Variants in MMP26 observed in about 807,000 individuals in gnomAD.
MMP26 encodes matrix metalloproteinase-26.
Under a neutral mutation model 31.0 loss-of-function variants are expected in MMP26, and 33 were observed. The ratio of observed to expected loss-of-function variants is 1.06; its 90% confidence interval spans 0.81 to 1.42. The LOEUF (loss-of-function observed/expected upper bound fraction) is 1.42. Ranked by LOEUF, MMP26 falls within the 40% of genes most tolerant of loss-of-function variation. The pLI is 0.00. For missense variants in MMP26, 347 were observed against 316.1 expected, an observed-to-expected ratio of 1.10 and a Z score of -0.74; for synonymous variants, 122 against 114.9, an observed-to-expected ratio of 1.06 and a Z score of -0.40.
In MMP26 at chr11:4,908,114, A is replaced by G. The variant is rs774432821; in HGVS notation, c.-144-79954A>G. ...TGTCTCCCACATCTGTGCTGTGCTC[A>G]CCTTCTATGTGCCCATCATCACCCT... On this transcript the variant is annotated intron_variant, in intron 2 of 7. Coordinates refer to ENST00000380390, the MANE Select transcript of MMP26 (RefSeq NM_021801.5). 5.0e-6 allele frequency: 8 copies of G among 1,614,014 alleles called. No individual in the cohort carries two copies. The Admixed American group carries it at 1.3e-4, about 27-fold the overall frequency.
At chr11:4,876,714 A>C (rs910084680) in intron 2 of MMP26, 4 of 144,376 alleles carry the variant, frequency 2.8e-5, no homozygotes, top group African/African-American at 1.0e-4. Context: ...GTTGTCATCA[A>C]AGTTGAGCAA....
chr11:4,920,440 T>C (rs892316803), intron 2 of MMP26, among the ~76,000 whole-genome samples: 3 of 152,154 alleles, frequency 2.0e-5, no homozygotes, highest in African/African-American at 7.2e-5. Context: ...TCTTCCAACA[T>C]AGTTCCATTC....
intron 2 of MMP26, among the ~76,000 whole-genome samples, chr11:4,896,639 T>C (rs1393697830): frequency 6.6e-6 from 1 of 152,190 alleles, no homozygotes; most frequent in Non-Finnish European, 1.5e-5. Flanking sequence ...TAGGTTTATG[T>C]TTCTTTGCTG....
chr11:4,854,326 T>C (rs987240832), intron 2 of MMP26, among the ~76,000 whole-genome samples: 4 of 152,170 alleles, frequency 2.6e-5, no homozygotes, highest in African/African-American at 9.6e-5. Context: ...AGGGAAGCTG[T>C]GACAGATGGT....
chr11:4,961,817 G>T (rs1846524754), intron 2 of MMP26, among the ~76,000 whole-genome samples: 1 of 152,040 alleles, frequency 6.6e-6, no homozygotes, highest in Non-Finnish European at 1.5e-5. Context: ...ATGGTATTCG[G>T]GATTGTATCT....
intron 2 of MMP26, among the ~76,000 whole-genome samples, chr11:4,802,580 C>T (rs1369968744): frequency 6.6e-6 from 1 of 151,984 alleles, no homozygotes; most frequent in East Asian, 1.9e-4. Flanking sequence ...ACTAGGTGAA[C>T]ATCACACTGT....
In MMP26 at chr11:4,705,987, T is replaced by TGG. The variant is rs1485223100; in HGVS notation, c.-217+943_-217+944dup. Among the ~76,000 whole-genome samples, 168 of 70,086 alleles carry TGG rather than the reference T, an allele frequency of 2.4e-3. 1 individual carries two copies. Among genetic ancestry groups the TGG allele is most frequent in the African/African-American group, 0.014 (156 of 11,250 alleles). 46.0% of individuals were successfully genotyped at this position (70,086 alleles called of 152,430 possible). A position where few individuals can be genotyped will look rare whatever the true frequency, so the allele number is the denominator to read the frequency against. On this transcript the variant is annotated intron_variant, in intron 1 of 7. Coordinates refer to ENST00000380390, the MANE Select transcript of MMP26 (RefSeq NM_021801.5). ...TGGTGGGGGCGGGTGGTGGTGGTGG[T>TGG]GGTGGGGGGAGCTGTTCTTGGACCC...
intron 1 of MMP26, among the ~76,000 whole-genome samples, chr11:4,706,349 C>G (rs1286399203): frequency 2.0e-5 from 3 of 151,656 alleles, no homozygotes; most frequent in African/African-American, 7.3e-5. Flanking sequence ...TCCTTGAGTT[C>G]AATAGTTCAA....
chr11:4,911,300 T>G (rs1006072190), intron 2 of MMP26, among the ~76,000 whole-genome samples: 1 of 152,190 alleles, frequency 6.6e-6, no homozygotes, highest in African/African-American at 2.4e-5. Context: ...TTTCCTTAAT[T>G]TCACCTGGAT....
At chr11:4,925,416 A>G (rs569230895) in intron 2 of MMP26, among the ~76,000 whole-genome samples, 23 of 152,294 alleles carry the variant, frequency 1.5e-4, no homozygotes, top group African/African-American at 5.1e-4. Context: ...ATACCATTCA[A>G]TAAGTCAAGA....
chr11:4,899,163 G>A (rs1850765188), intron 2 of MMP26, among the ~76,000 whole-genome samples: 1 of 152,128 alleles, frequency 6.6e-6, no homozygotes, highest in Non-Finnish European at 1.5e-5. Flanking sequence ...TCCCATAGCA[G>A]CCCCAAATTC....
intron 2 of MMP26, among the ~76,000 whole-genome samples, chr11:4,817,713 A>T (rs1849440543): frequency 6.6e-6 from 1 of 152,218 alleles, no homozygotes; most frequent in South Asian, 2.1e-4. Flanking sequence ...AGGAAGCTGT[A>T]AACATATTTG....
intron 2 of MMP26, among the ~76,000 whole-genome samples, chr11:4,806,038 A>G (rs1849264345): frequency 6.6e-6 from 1 of 151,972 alleles, no homozygotes; most frequent in Non-Finnish European, 1.5e-5. Flanking sequence ...TGTCTCATTC[A>G]CTAGAAAAAA....
chr11:4,896,735 C>G lies in MMP26; in HGVS notation c.-144-91333C>G, dbSNP rs373177043. 1.3e-5 allele frequency among the ~76,000 whole-genome samples: 2 copies of G among 152,236 alleles called. 1 individual carries two copies. Among genetic ancestry groups the G allele is most frequent in the South Asian group, 4.1e-4 (2 of 4,822 alleles). On this transcript the variant is annotated intron_variant, in intron 2 of 7. Coordinates refer to ENST00000380390, the MANE Select transcript of MMP26 (RefSeq NM_021801.5). The stretch of plus-strand genomic sequence containing the variant: ...TTACACATGGTAAGATGGATAAACA[C>G]AAAGTGTATAGCTAAATGGATTTTT...
At chr11:4,803,381 G>T in intron 2 of MMP26, 3 of 1,164,142 alleles carry the variant, frequency 2.6e-6, no homozygotes, top group Non-Finnish European at 3.7e-6. Flanking sequence ...GTTCATTAAT[G>T]TCCCCACATT....
intron 2 of MMP26, among the ~76,000 whole-genome samples, chr11:4,798,483 A>T (rs1401244800): frequency 6.6e-6 from 1 of 152,258 alleles, no homozygotes; most frequent in Non-Finnish European, 1.5e-5. Flanking sequence ...TTGAAAGTTT[A>T]TATTTTAGGT....
intron 2 of MMP26, chr11:4,787,394 C>G (rs1848962709): frequency 6.6e-6 from 1 of 152,220 alleles, no homozygotes; most frequent in Admixed American, 6.5e-5. Context: ...GTTGGTACAC[C>G]ATGTGTTGCG....
chr11:4,740,576 A>G (rs1848299080), intron 1 of MMP26, among the ~76,000 whole-genome samples: 2 of 151,666 alleles, frequency 1.3e-5, no homozygotes, highest in Admixed American at 6.6e-5. Flanking sequence ...CCAACTACTC[A>G]GGAGGCCGAG....
At chr11:4,933,821 G>C (rs1196187072) in intron 2 of MMP26, among the ~76,000 whole-genome samples, 1 of 148,544 alleles carries the variant, frequency 6.7e-6, no homozygotes, top group Non-Finnish European at 1.5e-5. Context: ...AGAATATGCA[G>C]TGTTTGGTTT....
Sources: gnomAD v4.1 joint callset for allele counts (sites outside exome capture counted in the v4.1 genomes callset) on GRCh38, gnomAD v4.1.1 for gene constraint, MANE v1.5 for transcripts, NCBI Gene and HGNC (gene_info 2026-07-23, HGNC 2026-07-21) for gene names.